Variants in ATP13A4 observed in about 807,000 individuals in gnomAD.
ATP13A4 encodes the protein ATPase 13A4.
In ATP13A4, 114 loss-of-function variants were observed where a neutral mutation model predicts 142.5. The observed-to-expected ratio is 0.80, with a 90% CI of 0.69 to 0.93. The LOEUF is 0.93. Ranked by LOEUF, ATP13A4 falls within the 40% of genes least tolerant of loss-of-function variation. The pLI is 0.00. For missense variants in ATP13A4, 1,392 were observed against 1,454.0 expected, an observed-to-expected ratio of 0.96 and a Z score of 0.69; for synonymous variants, 488 against 514.8, an observed-to-expected ratio of 0.95 and a Z score of 0.70.
Position 193,402,608 on chromosome 3 carries a change from T to A in ATP13A4, c.*44A>T, listed in dbSNP as rs1553828243. Reference sequence around the variant, plus strand: ...TAAAATCAATGAAACTGGTCCCTTTTGTCATTGTTTCTCTGTAATATCAAC... The same window carrying A: ...TAAAATCAATGAAACTGGTCCCTTTAGTCATTGTTTCTCTGTAATATCAAC... On this transcript the variant is annotated 3_prime_UTR_variant, in exon 30 of 30. Coordinates refer to ENST00000342695, the MANE Select transcript of ATP13A4 (RefSeq NM_032279.4). The A allele has an allele frequency of 3.8e-6, 3 of 799,472 alleles. No individual in the cohort carries two copies. Among genetic ancestry groups the A allele is most frequent in the East Asian group, 4.8e-5 (2 of 41,318 alleles). 49.5% of individuals were successfully genotyped at this position (799,472 alleles called of 1,614,324 possible).
chr3:193,569,217 A>G (rs1724205297), intron 2 of ATP13A4, among the ~76,000 whole-genome samples: 1 of 152,248 alleles, frequency 6.6e-6, no homozygotes, highest in East Asian at 1.9e-4. Context: ...TCTTCCCAAA[A>G]GCCCAGAATT....
chr3:193,524,656 G>C (rs1047129172), intron 1 of ATP13A4, among the ~76,000 whole-genome samples: 1 of 152,060 alleles, frequency 6.6e-6, no homozygotes, highest in Non-Finnish European at 1.5e-5. Context: ...TTCAAATCCT[G>C]GTTCTGCCAC....
Position 193,435,676 on chromosome 3 carries a change from T to C in ATP13A4, c.2741A>G (p.Gln914Arg), listed in dbSNP as rs750647630. ...FKYMALYSMI[Q>R]YVGVLLLYWE... Reference sequence around the variant, plus strand: ...GTAGAGCAGCAGAACACCAACATACTGAATCATGCTGTACAGAGCCATGTA... The same window carrying C: ...GTAGAGCAGCAGAACACCAACATACCGAATCATGCTGTACAGAGCCATGTA... The change falls in exon 24 of 30, where the codon CAG becomes CGG. Residue 914 changes from glutamine (Q) to arginine (R), a missense_variant. By Grantham distance (43) the Gln-to-Arg change is conservative. Coordinates refer to ENST00000342695, the MANE Select transcript of ATP13A4 (RefSeq NM_032279.4). The C allele has an allele frequency of 6.2e-7, 1 of 1,614,012 alleles. No homozygotes were observed. The highest frequency in any genetic ancestry group is 1.1e-5 in the South Asian group (1 of 91,072).
chr3:193,415,831 A>G (rs1576937872), intron 25 of ATP13A4, among the ~76,000 whole-genome samples: 1 of 152,254 alleles, frequency 6.6e-6, no homozygotes, highest in Non-Finnish European at 1.5e-5. Context: ...TGGAGGAATT[A>G]GGGCAGTCTA....
intron 2 of ATP13A4, among the ~76,000 whole-genome samples, chr3:193,503,123 T>C (rs908516943): frequency 5.9e-5 from 9 of 152,310 alleles, no homozygotes; most frequent in African/African-American, 1.7e-4. Flanking sequence ...CTAGTCCTTC[T>C]AGACTACCTG....
chr3:193,485,855 C>G lies in ATP13A4; in HGVS notation c.739-1850G>C, dbSNP rs1334263248. On this transcript the variant is annotated intron_variant, in intron 7 of 29. Coordinates refer to ENST00000342695, the MANE Select transcript of ATP13A4 (RefSeq NM_032279.4). ...AGAGAGATCTCACCAGACACTGAAT[C>G]TGCTGGTGTCTTGATCTTGAACTTT... Among the ~76,000 whole-genome samples the G allele has an allele frequency of 2.6e-5, 4 of 151,570 alleles. No individual in the cohort carries two copies. The East Asian group carries it at 5.8e-4, about 22-fold the overall frequency.
chr3:193,587,387 C>T (rs992699144), intron 1 of ATP13A4, among the ~76,000 whole-genome samples: 2 of 152,200 alleles, frequency 1.3e-5, no homozygotes, highest in African/African-American at 2.4e-5. Context: ...CTTCACATTG[C>T]CTTCTGCTCT....
Position 193,554,889 on chromosome 3 carries a change from G to C in ATP13A4, c.-90C>G, listed in dbSNP as rs2108732751. The C allele has an allele frequency of 6.2e-7, 1 of 1,612,082 alleles. No individual in the cohort carries two copies. Among genetic ancestry groups the C allele is most frequent in the East Asian group, 2.2e-5 (1 of 44,854 alleles). Reference sequence around the variant, plus strand: ...CTCGCCGAGCCACCGCAGCTCCTCAGCTGACTAAAAGAGTTAATGATCCTC... The same window carrying C: ...CTCGCCGAGCCACCGCAGCTCCTCACCTGACTAAAAGAGTTAATGATCCTC... On this transcript the variant is annotated 5_prime_UTR_variant, in exon 1 of 30. Coordinates refer to ENST00000342695, the MANE Select transcript of ATP13A4 (RefSeq NM_032279.4).
At chr3:193,501,770 T>C (rs1720557765) in intron 3 of ATP13A4, among the ~76,000 whole-genome samples, 1 of 152,060 alleles carries the variant, frequency 6.6e-6, no homozygotes, top group African/African-American at 2.4e-5. Context: ...ATATGAATGT[T>C]AACTAGTCAT....
chr3:193,420,142 CTCCCTGCTATA>C (rs1715334303), intron 25 of ATP13A4, among the ~76,000 whole-genome samples: 1 of 149,850 alleles, frequency 6.7e-6, no homozygotes, highest in Non-Finnish European at 1.5e-5. Flanking sequence ...TCTCTAAGGT[CTCCCTGCTATA>C]ACCCAGCACT....
intron 3 of ATP13A4, among the ~76,000 whole-genome samples, chr3:193,502,059 T>C (rs1720577455): frequency 6.6e-6 from 1 of 152,086 alleles, no homozygotes; most frequent in East Asian, 1.9e-4. Context: ...CCCAGGAGTT[T>C]GAGGCTGTAG....
chr3:193,545,698 C>G (rs1723181349), intron 1 of ATP13A4, among the ~76,000 whole-genome samples: 1 of 152,108 alleles, frequency 6.6e-6, no homozygotes, highest in Non-Finnish European at 1.5e-5. Context: ...AGTGCCAACT[C>G]AAGTTCCTGT....
At chr3:193,574,556 T>A (rs1482445006) in intron 2 of ATP13A4, among the ~76,000 whole-genome samples, 1 of 137,872 alleles carries the variant, frequency 7.3e-6, no homozygotes, top group East Asian at 2.0e-4. Context: ...CTGTCTGTAA[T>A]AAAAACACAA....
rs1181206330 is a variant in ATP13A4, at chr3:193,439,233, A to G, written c.2520-168T>C. ...AAAAGTGTGATTCAGCAGTTAATAC[A>G]ATGGATTTAGAAATTCAGAACGTGA... On this transcript the variant is annotated intron_variant, in intron 21 of 29. Coordinates refer to ENST00000342695, the MANE Select transcript of ATP13A4 (RefSeq NM_032279.4). 1.6e-5 allele frequency: 11 copies of G among 698,132 alleles called. No individual in the cohort carries two copies. The East Asian group carries it at 2.9e-4, about 19-fold the overall frequency. 43.2% of individuals were successfully genotyped at this position (698,132 alleles called of 1,614,324 possible).
At chr3:193,478,459 C>T (rs906505724) in intron 8 of ATP13A4, among the ~76,000 whole-genome samples, 1 of 151,906 alleles carries the variant, frequency 6.6e-6, no homozygotes, top group African/African-American at 2.4e-5. Flanking sequence ...ACTGATAACA[C>T]AGAAACACAA....
At chr3:193,512,915 T>C (rs1721216236) in intron 2 of ATP13A4, among the ~76,000 whole-genome samples, 1 of 152,204 alleles carries the variant, frequency 6.6e-6, no homozygotes, top group Admixed American at 6.5e-5. Flanking sequence ...CCTGTGAGTC[T>C]TCAGGAAGGA....
chr3:193,483,849 G>T, intron 8 of ATP13A4, 87 bp downstream of exon 8: 2 of 1,092,160 alleles, frequency 1.8e-6, no homozygotes, highest in Non-Finnish European at 2.8e-6. Context: ...ATGAAGATGG[G>T]AATAACAGCA....
rs777360198 is a variant in ATP13A4, at chr3:193,414,711, C to G, written c.2882G>C (p.Arg961Thr). 1.2e-6 allele frequency: 2 copies of G among 1,613,990 alleles called. No homozygotes were observed. The highest frequency in any genetic ancestry group is 1.7e-5 in the Admixed American group (1 of 59,986). Reference sequence around the variant, plus strand: ...TGGAGAGATCAGCCGTCCTGCAGGTCTGAAAGGCACCAGCTTAGGGTAGGC... The same window carrying G: ...TGGAGAGATCAGCCGTCCTGCAGGTGTGAAAGGCACCAGCTTAGGGTAGGC... ...NGAYPKLVPFRPAGRLISPPL... is the reference protein window; with the variant it reads ...NGAYPKLVPFTPAGRLISPPL... The change falls in exon 26 of 30, where the codon AGA (arginine) becomes ACA (threonine). Residue 961 changes from arginine to threonine, a missense_variant. Transcript: ENST00000342695.
At chr3:193,460,850 G>C (rs983434358) in intron 13 of ATP13A4, among the ~76,000 whole-genome samples, 1 of 152,110 alleles carries the variant, frequency 6.6e-6, no homozygotes, top group African/African-American at 2.4e-5. Flanking sequence ...ATCAATCCCT[G>C]ATAGCCTTTA....
Sources: gnomAD v4.1 joint callset for allele counts (sites outside exome capture counted in the v4.1 genomes callset) on GRCh38, gnomAD v4.1.1 for gene constraint, MANE v1.5 for transcripts, NCBI Gene and HGNC (gene_info 2026-07-23, HGNC 2026-07-21) for gene names.